The following B4GALT6 variants were observed in gnomAD, a reference collection of about 807,000 sequenced individuals.
B4GALT6 encodes the protein UDP-Gal:beta-GlcNAc beta-1,4-galactosyltransferase 6.
Under a neutral mutation model 46.3 loss-of-function variants are expected in B4GALT6, and 14 were observed. That is an observed-to-expected ratio of 0.30 (90% CI 0.20 to 0.47). The LOEUF (loss-of-function observed/expected upper bound fraction) is 0.47. Ranked by LOEUF, B4GALT6 falls within the 20% of genes least tolerant of loss-of-function variation. B4GALT6 has a pLI of 0.99. For missense variants in B4GALT6, 386 were observed against 480.1 expected (o/e 0.80, Z 1.83); for synonymous variants, 168 against 162.0 (o/e 1.04, Z -0.28).
intron 4 of B4GALT6, among the ~76,000 whole-genome samples, chr18:31,640,799 C>A (rs2073920669): frequency 6.6e-6 from 1 of 152,262 alleles, no homozygotes; most frequent in African/African-American, 2.4e-5. Context: ...GGGGCACTTA[C>A]TGCTGGGCTT....
At position 31,684,365 on chromosome 18, in the gene B4GALT6, A is replaced by G; in HGVS notation, c.62T>C (p.Phe21Ser). 2.5e-6 allele frequency: 4 copies of G among 1,613,916 alleles called. No individual in the cohort carries two copies. The highest frequency in any genetic ancestry group is 3.4e-6 in the Non-Finnish European group (4 of 1,179,942). ...SNRSLLAFIF[F>S]FSLSSSCLYF... ...CAGACAGGACGAAGAGAGGGAGAAG[A>G]AGAAGATGAAGGCGAGGAGAGAGCG... Residue 21 changes from phenylalanine (F) to serine (S), a missense_variant, in exon 1 of 9, where the codon TTC becomes TCC. Physicochemically the swap from Phe to Ser is radical, Grantham distance 155. Coordinates refer to ENST00000306851, the MANE Select transcript of B4GALT6 (RefSeq NM_004775.5).
At chr18:31,638,572 AT>A in intron 5 of B4GALT6, 71 bp downstream of exon 5, 1 of 1,216,080 alleles carries the variant, frequency 8.2e-7, no homozygotes, top group South Asian at 1.3e-5. Context: ...AATCCTAAAT[AT>A]GTTTAATCTA....
chr18:31,678,123 A>G (rs2074436208), intron 1 of B4GALT6, among the ~76,000 whole-genome samples: 1 of 152,158 alleles, frequency 6.6e-6, no homozygotes, highest in Non-Finnish European at 1.5e-5. Flanking sequence ...GCGGAGTCTA[A>G]GCACACAGTA....
At chr18:31,704,312 G>A in the B4GALT6 span, among the ~76,000 whole-genome samples, 38 of 151,434 alleles carry the variant, frequency 2.5e-4, no homozygotes, top group South Asian at 2.1e-4. Flanking sequence ...AGGTTCAAGC[G>A]ATTCTCCTGC....
chr18:31,651,909 T>G (rs1464357329), intron 3 of B4GALT6, among the ~76,000 whole-genome samples: 1 of 152,180 alleles, frequency 6.6e-6, no homozygotes, highest in African/African-American at 2.4e-5. Flanking sequence ...TAGCTGGGAC[T>G]TCAGGCGCCC....
chr18:31,702,477 GC>G, the B4GALT6 span, among the ~76,000 whole-genome samples: 1 of 152,140 alleles, frequency 6.6e-6, no homozygotes, highest in Non-Finnish European at 1.5e-5. Context: ...AGTTGATACA[GC>G]CTGACAGCTA....
intron 1 of B4GALT6, among the ~76,000 whole-genome samples, chr18:31,669,454 T>C (rs2074324455): frequency 6.6e-6 from 1 of 152,208 alleles, no homozygotes; most frequent in Non-Finnish European, 1.5e-5. Context: ...CTGTCTTGAA[T>C]ATCTCAATTC....
Position 31,627,020 on chromosome 18 carries a change from T to C in B4GALT6, c.878A>G (p.Glu293Gly). Residue 293 changes from glutamate to glycine, a missense_variant, in exon 7 of 9, where the codon GAA (glutamate) becomes GGA (glycine). Coordinates refer to ENST00000306851, the MANE Select transcript of B4GALT6 (RefSeq NM_004775.5). Reference sequence around the variant, plus strand: ...ATACCTGTTCCAAAGGTCATCATCTTCTCCTCCCCATCCCCAGAAGGCATT... The same window carrying C: ...ATACCTGTTCCAAAGGTCATCATCTCCTCCTCCCCATCCCCAGAAGGCATT... Reference protein sequence around the residue: ...FPNAFWGWGGEDDDLWNRVHY... With the variant: ...FPNAFWGWGGGDDDLWNRVHY... 2 of 1,611,278 alleles carry C rather than the reference T, an allele frequency of 1.2e-6. No homozygotes were observed. Among genetic ancestry groups the C allele is most frequent in the Non-Finnish European group, 1.7e-6 (2 of 1,178,986 alleles).
At chr18:31,629,447 ATTTTTTTTTTTTTTTTTTTT>A (rs869030382) in intron 6 of B4GALT6, among the ~76,000 whole-genome samples, 6 of 32,836 alleles carry the variant, frequency 1.8e-4, no homozygotes, top group East Asian at 1.7e-3. Context: ...GCCCTTTATG[ATTTTTTTTTTTTTTTTTTTT>A]TTTTTTTTTT....
chr18:31,646,412 T>C (rs115761440), intron 3 of B4GALT6, among the ~76,000 whole-genome samples: 210 of 152,352 alleles, frequency 1.4e-3, no homozygotes, highest in African/African-American at 4.8e-3. Context: ...TGAATTAAAA[T>C]AGCTGCATGA....
intron 3 of B4GALT6, 100 bp downstream of exon 3, chr18:31,657,876 G>C: frequency 1.2e-6 from 1 of 800,470 alleles, no homozygotes; most frequent in Non-Finnish European, 2.0e-6. Context: ...TTTGCACCCA[G>C]GTGCACATGA....
the B4GALT6 span, among the ~76,000 whole-genome samples, chr18:31,697,344 A>C: frequency 1.3e-5 from 2 of 151,918 alleles, no homozygotes; most frequent in South Asian, 2.1e-4. Flanking sequence ...CTAATGTCCT[A>C]AAGAACCATC....
intron 1 of B4GALT6, among the ~76,000 whole-genome samples, chr18:31,677,197 G>T (rs1360221556): frequency 1.3e-5 from 2 of 152,140 alleles, no homozygotes; most frequent in African/African-American, 4.8e-5. Context: ...AAAACATTAA[G>T]ATTTGAAATT....
upstream of B4GALT6, among the ~76,000 whole-genome samples, chr18:31,689,102 CAGTT>C (rs1460470524): frequency 6.6e-6 from 1 of 152,176 alleles, no homozygotes; most frequent in Non-Finnish European, 1.5e-5. Flanking sequence ...TGCTTGTCAT[CAGTT>C]GGTAAGTCAA....
chr18:31,653,517 A>G (rs1455253233), intron 3 of B4GALT6, among the ~76,000 whole-genome samples: 1 of 130,100 alleles, frequency 7.7e-6, no homozygotes, highest in African/African-American at 3.0e-5. Context: ...ATCTCGGCTC[A>G]CTGCAACCTC....
chr18:31,670,213 C>A (rs2074334302), intron 1 of B4GALT6, among the ~76,000 whole-genome samples: 1 of 152,022 alleles, frequency 6.6e-6, no homozygotes, highest in African/African-American at 2.4e-5. Flanking sequence ...GCCACTATGC[C>A]CACCTAATTT....
chr18:31,692,990 G>A, the B4GALT6 span, among the ~76,000 whole-genome samples: 1 of 152,140 alleles, frequency 6.6e-6, no homozygotes, highest in Non-Finnish European at 1.5e-5. Context: ...TCAGTTTTTA[G>A]CAATGTTTAG....
At chr18:31,690,807 C>A (rs2030082027), upstream of B4GALT6, among the ~76,000 whole-genome samples, 1 of 152,144 alleles carries the variant, frequency 6.6e-6, no homozygotes, top group African/African-American at 2.4e-5. Flanking sequence ...CATTTTCTTA[C>A]TACATAGCCA....
chr18:31,650,572 G>A lies in B4GALT6; in HGVS notation c.347-5093C>T, dbSNP rs191415979. Among the ~76,000 whole-genome samples the A allele has an allele frequency of 4.1e-3, 626 of 152,300 alleles. 6 individuals are homozygous for A. Among genetic ancestry groups the A allele is most frequent in the African/African-American group, 0.012 (502 of 41,582 alleles). The stretch of plus-strand genomic sequence containing the variant: ...GTGGCAGCAGGAGATGCTTCAAAGC[G>A]GTCTGAGCCTTGTTCTGGCTGCTCA... On this transcript the variant is annotated intron_variant, in intron 3 of 8. Transcript: ENST00000306851.
Sources: allele counts gnomAD v4.1 joint callset (sites outside exome capture counted in the v4.1 genomes callset), GRCh38; gene constraint gnomAD v4.1.1; transcripts MANE v1.5; gene names NCBI Gene and HGNC (gene_info 2026-07-23, HGNC 2026-07-21).